The following C10orf90 variants were observed in gnomAD, a reference collection of about 807,000 sequenced individuals.
C10orf90 encodes (E2-independent) E3 ubiquitin-conjugating enzyme FATS.
Under a neutral mutation model 62.5 loss-of-function variants are expected in C10orf90, and 56 were observed. The ratio of observed to expected loss-of-function variants is 0.90; its 90% CI spans 0.72 to 1.12. The LOEUF (loss-of-function observed/expected upper bound fraction) is 1.12. C10orf90 is among the 50% of genes most tolerant of loss of function. C10orf90 has a pLI of 0.00. For synonymous variants in C10orf90, 386 were observed against 340.4 expected (o/e 1.13, Z -1.47); for missense variants, 970 against 880.4 (o/e 1.10, Z -1.29).
intron 7 of C10orf90, among the ~76,000 whole-genome samples, chr10:126,446,090 A>T (rs1369556969): frequency 6.6e-6 from 1 of 152,068 alleles, no homozygotes; most frequent in Non-Finnish European, 1.5e-5. Context: ...TCAAAATCTC[A>T]CAAATCACCG....
chr10:126,635,692 T>C (rs2133836013), intron 2 of C10orf90, among the ~76,000 whole-genome samples: 1 of 152,320 alleles, frequency 6.6e-6, no homozygotes, highest in Admixed American at 6.5e-5. Context: ...TTTGACACAC[T>C]ATGGGATGTC....
At chr10:126,655,008 G>A (rs1244472301) in intron 1 of C10orf90, among the ~76,000 whole-genome samples, 1 of 152,104 alleles carries the variant, frequency 6.6e-6, no homozygotes, top group African/African-American at 2.4e-5. Context: ...GCAATTTGTG[G>A]CACCTCAAGA....
chr10:126,494,786 C>G (rs551762638), intron 4 of C10orf90, among the ~76,000 whole-genome samples: 2 of 152,338 alleles, frequency 1.3e-5, no homozygotes, highest in Admixed American at 1.3e-4. Flanking sequence ...CCTACAAGGG[C>G]ATTTATTTCA....
intron 4 of C10orf90, among the ~76,000 whole-genome samples, chr10:126,481,878 C>G (rs1371629251): frequency 6.6e-6 from 1 of 152,184 alleles, no homozygotes; most frequent in African/African-American, 2.4e-5. Context: ...TGACTCTAAT[C>G]TTCTTCCCAC....
At chr10:126,663,830 A>T (rs570937595) in intron 1 of C10orf90, among the ~76,000 whole-genome samples, 2 of 152,208 alleles carry the variant, frequency 1.3e-5, no homozygotes, top group South Asian at 4.2e-4. Flanking sequence ...CCCTCCCAGA[A>T]CCCAGGGGTC....
chr10:126,429,533 G>T (rs1857450178), intron 8 of C10orf90, among the ~76,000 whole-genome samples: 1 of 152,224 alleles, frequency 6.6e-6, no homozygotes, highest in Admixed American at 6.5e-5. Flanking sequence ...ATCTCTTAGA[G>T]ACCAATTACT....
chr10:126,634,963 C>T (rs1028868189), intron 2 of C10orf90, among the ~76,000 whole-genome samples: 5 of 152,224 alleles, frequency 3.3e-5, no homozygotes, highest in African/African-American at 1.2e-4. Context: ...GTGCGGCTTT[C>T]TGGAAGGGAA....
intron 2 of C10orf90, among the ~76,000 whole-genome samples, chr10:126,539,222 G>T (rs552466684): frequency 2.0e-5 from 3 of 152,196 alleles, no homozygotes; most frequent in Admixed American, 2.0e-4. Flanking sequence ...TTGAATTAGC[G>T]CCTTTAGCAG....
chr10:126,569,911 AAAAAG>A (rs146138997), intron 2 of C10orf90, among the ~76,000 whole-genome samples: 16 of 152,220 alleles, frequency 1.1e-4, no homozygotes, highest in East Asian at 3.9e-4. Flanking sequence ...TTCAAGCTTA[AAAAAG>A]AAAAGAAAAG....
At chr10:126,523,444 G>C (rs1336034291) in intron 2 of C10orf90, 2 of 151,582 alleles carry the variant, frequency 1.3e-5, no homozygotes, top group African/African-American at 4.9e-5. Flanking sequence ...AAGATGCAGA[G>C]AACACAAGGA....
At chr10:126,618,287 G>A (rs1845581705) in intron 2 of C10orf90, among the ~76,000 whole-genome samples, 1 of 152,150 alleles carries the variant, frequency 6.6e-6, no homozygotes, top group East Asian at 1.9e-4. Context: ...GACAAAATGT[G>A]CATCTTAGAG....
At chr10:126,543,924 AG>A (rs1258114082) in intron 2 of C10orf90, among the ~76,000 whole-genome samples, 18 of 152,166 alleles carry the variant, frequency 1.2e-4, no homozygotes, top group Admixed American at 1.2e-3. Flanking sequence ...GCCACATACC[AG>A]GGTCGCGGTG....
intron 2 of C10orf90, among the ~76,000 whole-genome samples, chr10:126,562,418 A>G (rs1409881381): frequency 1.3e-5 from 2 of 152,180 alleles, no homozygotes; most frequent in Non-Finnish European, 2.9e-5. Context: ...AGGCAATGAG[A>G]CATTCCTCTT....
rs1863484138 is a variant in C10orf90, at chr10:126,517,282, G to A, written c.314-3343C>T. Among the ~76,000 whole-genome samples the A allele has an allele frequency of 2.0e-5, 3 of 152,176 alleles. No individual in the cohort carries two copies. In the South Asian group the frequency reaches 6.2e-4, roughly 32 times the overall value. ...GAAAAAGCCTATGAACCACATGACT[G>A]CAACATTTAAAAAGTGTGTGTAGGA... is the stretch of plus-strand genomic sequence containing the variant. On this transcript the variant is annotated intron_variant, in intron 2 of 9. Coordinates refer to ENST00000488181, the MANE Select transcript of C10orf90 (RefSeq NM_001350921.2).
chr10:126,426,867 A>G (rs941817746), intron 8 of C10orf90, among the ~76,000 whole-genome samples: 1 of 152,214 alleles, frequency 6.6e-6, no homozygotes, highest in African/African-American at 2.4e-5. Context: ...TGTAGAAAAA[A>G]TCATGATGAC....
chr10:126,535,484 T>G (rs1305003882), intron 2 of C10orf90, among the ~76,000 whole-genome samples: 2 of 147,670 alleles, frequency 1.4e-5, no homozygotes, highest in Non-Finnish European at 3.0e-5. Context: ...GCCACTGCAC[T>G]CCAGCCTGGG....
At chr10:126,548,516 G>A (rs1361194800) in intron 2 of C10orf90, among the ~76,000 whole-genome samples, 3 of 152,058 alleles carry the variant, frequency 2.0e-5, no homozygotes, top group Admixed American at 6.6e-5. Flanking sequence ...ACAGGCACAC[G>A]CCACCACACC....
chr10:126,544,003 G>A (rs1346212631), intron 2 of C10orf90, among the ~76,000 whole-genome samples: 1 of 152,156 alleles, frequency 6.6e-6, no homozygotes, highest in African/African-American at 2.4e-5. Context: ...GTGCTTCAGG[G>A]GTGGGTGATT....
intron 2 of C10orf90, among the ~76,000 whole-genome samples, chr10:126,576,512 G>A (rs1844613691): frequency 6.6e-6 from 1 of 151,544 alleles, no homozygotes; most frequent in African/African-American, 2.4e-5. Context: ...GCAATATGGA[G>A]GTTCCTCAGA....
Sources: gnomAD v4.1 joint callset for allele counts (sites outside exome capture counted in the v4.1 genomes callset) on GRCh38, gnomAD v4.1.1 for gene constraint, MANE v1.5 for transcripts, NCBI Gene and HGNC (gene_info 2026-07-23, HGNC 2026-07-21) for gene names.